LUZP2: variants seen among roughly 807,000 people sequenced by gnomAD.
LUZP2 encodes leucine zipper protein 2.
In LUZP2, 52 loss-of-function variants were observed where a neutral mutation model predicts 51.6. The ratio of observed to expected loss-of-function variants is 1.01; its 90% CI spans 0.81 to 1.27. The LOEUF is 1.27. Among genes scored for constraint, LUZP2 ranks in the 50% most tolerant of loss-of-function variants. The pLI, the probability that LUZP2 is intolerant of heterozygous loss-of-function variation, is 0.00. For synonymous variants in LUZP2, 154 were observed against 137.3 expected (o/e 1.12, Z -0.85); for missense variants, 436 against 395.4 (o/e 1.10, Z -0.87).
intron 3 of LUZP2, among the ~76,000 whole-genome samples, chr11:24,737,595 C>A (rs757606529): frequency 1.3e-5 from 2 of 152,030 alleles, no homozygotes; most frequent in Non-Finnish European, 2.9e-5. Context: ...GGAAACATCA[C>A]TCTTTTTAAA....
At chr11:24,871,090 A>T (rs1028837959) in intron 5 of LUZP2, among the ~76,000 whole-genome samples, 2 of 152,120 alleles carry the variant, frequency 1.3e-5, no homozygotes, top group African/African-American at 4.8e-5. Flanking sequence ...AATTTAAAAT[A>T]TTCAAATATT....
intron 5 of LUZP2, among the ~76,000 whole-genome samples, chr11:24,877,720 C>T (rs572732982): frequency 1.3e-5 from 2 of 152,182 alleles, no homozygotes; most frequent in East Asian, 3.9e-4. Context: ...TACTCATTAA[C>T]CATCCCCACC....
chr11:24,906,904 A>G (rs1289443005), intron 6 of LUZP2, among the ~76,000 whole-genome samples: 1 of 152,204 alleles, frequency 6.6e-6, no homozygotes, highest in African/African-American at 2.4e-5. Flanking sequence ...GCAATGAGAA[A>G]AGTTGCTTAC....
intron 7 of LUZP2, among the ~76,000 whole-genome samples, chr11:24,945,302 C>T (rs2133854724): frequency 6.6e-6 from 1 of 152,270 alleles, no homozygotes. Flanking sequence ...AGAGATGTTT[C>T]CAACAGGAAT....
At chr11:24,523,008 C>A (rs73429159) in intron 1 of LUZP2, among the ~76,000 whole-genome samples, 6,920 of 151,956 alleles carry the variant, frequency 0.046, 515 homozygotes, top group African/African-American at 0.16. Context: ...AATTTCTCTC[C>A]ATGAATTCAC....
intron 1 of LUZP2, among the ~76,000 whole-genome samples, chr11:24,550,915 C>T (rs1228705726): frequency 2.0e-5 from 3 of 151,980 alleles, no homozygotes; most frequent in Admixed American, 2.0e-4. Flanking sequence ...TGCACTCCAT[C>T]CTGGGCAAGA....
intron 1 of LUZP2, among the ~76,000 whole-genome samples, chr11:24,710,328 A>G (rs1409056156): frequency 2.0e-5 from 3 of 152,130 alleles, no homozygotes; most frequent in Non-Finnish European, 2.9e-5. Flanking sequence ...TACAGTTTGC[A>G]GAATGGCAGA....
chr11:24,692,479 G>T (rs745448188), intron 1 of LUZP2, among the ~76,000 whole-genome samples: 14 of 152,034 alleles, frequency 9.2e-5, no homozygotes, highest in Non-Finnish European at 2.1e-4. Context: ...AAGAAAAGTA[G>T]CCAAAATATG....
chr11:24,614,433 C>A (rs981494621), intron 1 of LUZP2, among the ~76,000 whole-genome samples: 4 of 151,928 alleles, frequency 2.6e-5, no homozygotes, highest in Non-Finnish European at 4.4e-5. Context: ...CAATTTATAT[C>A]ATTTCATTTA....
At chr11:24,822,104 T>A (rs1162962578) in intron 5 of LUZP2, among the ~76,000 whole-genome samples, 3 of 151,920 alleles carry the variant, frequency 2.0e-5, no homozygotes, top group Non-Finnish European at 2.9e-5. Context: ...TGTAAAAGCA[T>A]GTACAGATGC....
chr11:24,635,463 AAC>A, intron 1 of LUZP2, among the ~76,000 whole-genome samples: 1 of 152,072 alleles, frequency 6.6e-6, no homozygotes, highest in Admixed American at 6.6e-5. Flanking sequence ...ATAAGAAATA[AAC>A]ACATTTCAAT....
chr11:24,960,411 A>C (rs893006531), intron 7 of LUZP2, among the ~76,000 whole-genome samples: 2 of 152,118 alleles, frequency 1.3e-5, no homozygotes, highest in African/African-American at 4.8e-5. Flanking sequence ...GCTATTGATT[A>C]TTGCCTCAAT....
At chr11:24,637,713 G>A (rs776588940) in intron 1 of LUZP2, among the ~76,000 whole-genome samples, 1 of 151,818 alleles carries the variant, frequency 6.6e-6, no homozygotes, top group East Asian at 1.9e-4. Flanking sequence ...CTAGGATTGG[G>A]AAATTCCAGC....
chr11:24,965,166 G>A (rs1234694140), intron 7 of LUZP2, among the ~76,000 whole-genome samples: 1 of 150,646 alleles, frequency 6.6e-6, no homozygotes, highest in Non-Finnish European at 1.5e-5. Context: ...TAATAATAAA[G>A]AGTGGACATG....
chr11:24,664,833 C>T (rs1010265058), intron 1 of LUZP2, among the ~76,000 whole-genome samples: 1 of 152,180 alleles, frequency 6.6e-6, no homozygotes, highest in Non-Finnish European at 1.5e-5. Context: ...CCTGGATGTC[C>T]AGGCAGGAGT....
chr11:24,784,547 C>T (rs1304778083), intron 5 of LUZP2, among the ~76,000 whole-genome samples: 2 of 151,964 alleles, frequency 1.3e-5, no homozygotes, highest in Non-Finnish European at 1.5e-5. Context: ...AAGATGTATT[C>T]ATTATCTAGC....
intron 4 of LUZP2, among the ~76,000 whole-genome samples, chr11:24,760,746 G>A (rs907858105): frequency 5.3e-5 from 8 of 152,152 alleles, no homozygotes; most frequent in African/African-American, 1.9e-4. Context: ...TGATGAGGCT[G>A]TTAGGTGGTA....
At chr11:24,896,727 C>A (rs11602437) in intron 5 of LUZP2, among the ~76,000 whole-genome samples, 59,404 of 152,196 alleles carry the variant, frequency 0.39, 14,330 homozygotes, top group East Asian at 0.68. Context: ...GTGGCCCCGG[C>A]ACGGGATCCA....
In LUZP2 at chr11:24,619,888, A is replaced by G. The variant is rs981624165; in HGVS notation, c.63-109281A>G. Among the ~76,000 whole-genome samples the G allele has an allele frequency of 3.3e-5, 5 of 152,198 alleles. No individual in the cohort carries two copies. In the South Asian group the frequency reaches 8.3e-4, roughly 25 times the overall value. On this transcript the variant is annotated intron_variant, in intron 1 of 11. Coordinates refer to ENST00000336930, the MANE Select transcript of LUZP2 (RefSeq NM_001009909.4). ...TTTTAATCCTCTTCTAGTTGGATCC[A>G]TGGGTATAGAACCTGCAGATAAGGA...
Sources: allele counts gnomAD v4.1 joint callset (sites outside exome capture counted in the v4.1 genomes callset), GRCh38; gene constraint gnomAD v4.1.1; transcripts MANE v1.5; gene names NCBI Gene and HGNC (gene_info 2026-07-23, HGNC 2026-07-21).